The following SPOCK1 variants were observed in gnomAD, a reference collection of about 807,000 sequenced individuals.
SPOCK1 encodes the protein testican-1.
SPOCK1 carries 23 observed loss-of-function variants against 55.3 expected under a neutral mutation model. The ratio of observed to expected loss-of-function variants is 0.42; its 90% CI spans 0.30 to 0.59. SPOCK1 has a LOEUF of 0.59. Ranked by LOEUF, SPOCK1 falls within the 20% of genes least tolerant of loss-of-function variation. The pLI, the probability that SPOCK1 is intolerant of heterozygous loss-of-function variation, is 0.22. For missense variants in SPOCK1, 499 were observed against 552.5 expected (o/e 0.90, Z 0.97); for synonymous variants, 226 against 221.0 (o/e 1.02, Z -0.20).
intron 2 of SPOCK1, among the ~76,000 whole-genome samples, chr5:137,442,247 G>A (rs548675918): frequency 4.6e-5 from 7 of 152,250 alleles, no homozygotes; most frequent in South Asian, 2.1e-4. Context: ...TAGCCCTTAC[G>A]AGTCTTCAAG....
intron 2 of SPOCK1, among the ~76,000 whole-genome samples, chr5:137,280,876 C>A (rs577804669): frequency 2.6e-4 from 40 of 152,178 alleles, no homozygotes; most frequent in Non-Finnish European, 5.3e-4. Flanking sequence ...CTCCTCCCAG[C>A]GCTCAGAGGC....
At chr5:137,058,536 T>C (rs1752339417) in intron 6 of SPOCK1, among the ~76,000 whole-genome samples, 2 of 152,234 alleles carry the variant, frequency 1.3e-5, no homozygotes, top group African/African-American at 4.8e-5. Context: ...AGTAGATTCA[T>C]TTGACATTTG....
chr5:137,194,029 CT>C (rs1252168483), intron 3 of SPOCK1, among the ~76,000 whole-genome samples: 11 of 152,180 alleles, frequency 7.2e-5, no homozygotes, highest in African/African-American at 2.7e-4. Context: ...CTCTCCTCCC[CT>C]AGAGGCAGCT....
At chr5:137,298,736 T>C (rs1757534702) in intron 2 of SPOCK1, among the ~76,000 whole-genome samples, 1 of 152,218 alleles carries the variant, frequency 6.6e-6, no homozygotes, top group Non-Finnish European at 1.5e-5. Context: ...TTTATTCTTA[T>C]GAAGTACCTC....
At chr5:136,999,816 G>C (rs1399070212) in intron 6 of SPOCK1, among the ~76,000 whole-genome samples, 1 of 152,166 alleles carries the variant, frequency 6.6e-6, no homozygotes, top group East Asian at 1.9e-4. Context: ...AGCCACATTT[G>C]AACACCCAAT....
chr5:137,463,684 T>A (rs1236872116), intron 2 of SPOCK1, among the ~76,000 whole-genome samples: 3 of 152,206 alleles, frequency 2.0e-5, no homozygotes, highest in Non-Finnish European at 4.4e-5. Context: ...GCGTGGTTGC[T>A]CATGCCTGTA....
At chr5:137,168,599 A>C (rs1347380264) in intron 3 of SPOCK1, among the ~76,000 whole-genome samples, 1 of 152,176 alleles carries the variant, frequency 6.6e-6, no homozygotes, top group Non-Finnish European at 1.5e-5. Flanking sequence ...CAGGTATATA[A>C]AAAGGTGCTC....
chr5:137,417,309 G>A (rs551670930), intron 2 of SPOCK1, among the ~76,000 whole-genome samples: 3 of 141,232 alleles, frequency 2.1e-5, no homozygotes, highest in Admixed American at 1.4e-4. Flanking sequence ...TTACTCTGAC[G>A]TTCAGGTGTG....
chr5:137,365,326 G>A (rs1037558850), intron 2 of SPOCK1: 1 of 152,222 alleles, frequency 6.6e-6, no homozygotes, highest in Non-Finnish European at 1.5e-5. Context: ...TCTGGCACAT[G>A]CCCAGGATTC....
chr5:137,080,724 A>G (rs1445509997), intron 5 of SPOCK1, among the ~76,000 whole-genome samples: 1 of 152,188 alleles, frequency 6.6e-6, no homozygotes, highest in Non-Finnish European at 1.5e-5. Context: ...CAAGCCCCAC[A>G]AAGCCCTGCC....
chr5:137,097,214 G>A (rs749222658), intron 5 of SPOCK1, among the ~76,000 whole-genome samples: 2 of 152,082 alleles, frequency 1.3e-5, no homozygotes, highest in Non-Finnish European at 2.9e-5. Context: ...CTGGTCTCTG[G>A]CCTTGTGAAT....
At chr5:137,036,407 A>G (rs1454503565) in intron 6 of SPOCK1, among the ~76,000 whole-genome samples, 2 of 151,992 alleles carry the variant, frequency 1.3e-5, no homozygotes, top group Non-Finnish European at 2.9e-5. Flanking sequence ...TGATGATCCC[A>G]TCTGCTCCTG....
intron 2 of SPOCK1, among the ~76,000 whole-genome samples, chr5:137,488,907 C>T (rs976057782): frequency 4.6e-5 from 7 of 152,082 alleles, no homozygotes; most frequent in African/African-American, 1.7e-4. Flanking sequence ...ATAATATGTC[C>T]GCCCTTCCTC....
At chr5:137,355,687 A>G (rs1405304319) in intron 2 of SPOCK1, among the ~76,000 whole-genome samples, 6 of 152,172 alleles carry the variant, frequency 3.9e-5, no homozygotes, top group Non-Finnish European at 8.8e-5. Context: ...CTCAGTTTGC[A>G]TCAAGGACCT....
intron 5 of SPOCK1, among the ~76,000 whole-genome samples, chr5:137,077,204 G>A (rs943846906): frequency 2.6e-5 from 4 of 152,236 alleles, no homozygotes; most frequent in African/African-American, 4.8e-5. Context: ...GATTACAGGC[G>A]TGAGCCACCG....
intron 2 of SPOCK1, among the ~76,000 whole-genome samples, chr5:137,471,601 G>T (rs1416681085): frequency 6.6e-6 from 1 of 152,212 alleles, no homozygotes; most frequent in Non-Finnish European, 1.5e-5. Flanking sequence ...AACAAACATT[G>T]CTGGAGACTT....
chr5:137,413,692 C>T (rs1752263448), intron 2 of SPOCK1, among the ~76,000 whole-genome samples: 1 of 152,164 alleles, frequency 6.6e-6, no homozygotes, highest in South Asian at 2.1e-4. Flanking sequence ...TGCCCTATGT[C>T]ACATCAGGGT....
At chr5:137,161,321 G>C (rs1379836856) in intron 3 of SPOCK1, among the ~76,000 whole-genome samples, 2 of 151,496 alleles carry the variant, frequency 1.3e-5, no homozygotes, top group Non-Finnish European at 2.9e-5. Flanking sequence ...TGGGATATGG[G>C]GCATGGAACA....
At chr5:137,249,004 G>A (rs1434201211) in intron 3 of SPOCK1, among the ~76,000 whole-genome samples, 2 of 152,170 alleles carry the variant, frequency 1.3e-5, no homozygotes, top group East Asian at 3.8e-4. Context: ...AAACCTTAGT[G>A]TCACCGTGTA....
Sources: allele counts gnomAD v4.1 joint callset (sites outside exome capture counted in the v4.1 genomes callset), GRCh38; gene constraint gnomAD v4.1.1; transcripts MANE v1.5; gene names NCBI Gene and HGNC (gene_info 2026-07-23, HGNC 2026-07-21).